The following ULK4 variants were observed in gnomAD, a reference collection of about 807,000 sequenced individuals.
ULK4 encodes inactive serine/threonine-protein kinase ULK4.
Under a neutral mutation model 160.6 loss-of-function variants are expected in ULK4, and 133 were observed. That is an observed-to-expected ratio of 0.83 (90% confidence interval 0.72 to 0.96). The LOEUF is 0.96. ULK4 is among the 40% of genes least tolerant of loss of function. ULK4 has a pLI of 0.00. For synonymous variants in ULK4, 534 were observed against 539.8 expected, an observed-to-expected ratio of 0.99 and a Z score of 0.15; for missense variants, 1,580 against 1,499.5, an observed-to-expected ratio of 1.05 and a Z score of -0.89.
Position 41,748,368 on chromosome 3 carries a change from CAAG to C in ULK4, c.2321+5990_2321+5992del, listed in dbSNP as rs1251336121. 4.0e-5 allele frequency among the ~76,000 whole-genome samples: 6 copies of C among 151,616 alleles called. No homozygotes were observed. The East Asian group carries it at 9.7e-4, about 24-fold the overall frequency. On this transcript the variant is annotated intron_variant, in intron 22 of 36. Coordinates refer to ENST00000301831, the MANE Select transcript of ULK4 (RefSeq NM_017886.4). ...ATGGCAATACATATATTAACACTGA[CAAG>C]AAGAACACCAAATGCAGTTTAAGGT...
chr3:41,337,755 G>GA, intron 35 of ULK4, among the ~76,000 whole-genome samples: 1 of 152,270 alleles, frequency 6.6e-6, no homozygotes, highest in East Asian at 1.9e-4. Context: ...ACCACAGACA[G>GA]AAAATCCAAA....
At chr3:41,709,578 G>C (rs181411680) in intron 25 of ULK4, among the ~76,000 whole-genome samples, 1 of 152,128 alleles carries the variant, frequency 6.6e-6, no homozygotes, top group Non-Finnish European at 1.5e-5. Flanking sequence ...GTAGAGATGG[G>C]GTTTCACCAT....
intron 30 of ULK4, among the ~76,000 whole-genome samples, chr3:41,621,740 C>G (rs1237514206): frequency 6.6e-6 from 1 of 152,136 alleles, no homozygotes; most frequent in Non-Finnish European, 1.5e-5. Flanking sequence ...AAAGCAATGG[C>G]AACAAAAGCC....
chr3:41,934,341 G>A (rs1422636178), intron 4 of ULK4, among the ~76,000 whole-genome samples: 2 of 152,034 alleles, frequency 1.3e-5, no homozygotes, highest in African/African-American at 2.4e-5. Flanking sequence ...TCTTTTTTAG[G>A]TTTAATTATA....
intron 22 of ULK4, among the ~76,000 whole-genome samples, chr3:41,727,484 T>C (rs1347674154): frequency 1.3e-5 from 2 of 152,192 alleles, no homozygotes; most frequent in African/African-American, 2.4e-5. Flanking sequence ...CTCGACAGGA[T>C]GTCATTGAAG....
At chr3:41,421,127 GAAAAGA>G (rs1484668640) in intron 34 of ULK4, among the ~76,000 whole-genome samples, 7 of 31,264 alleles carry the variant, frequency 2.2e-4, no homozygotes, top group Non-Finnish European at 3.7e-4. Flanking sequence ...AAAAAAAAAA[GAAAAGA>G]AAAGAAAAGA....
intron 1 of ULK4, among the ~76,000 whole-genome samples, chr3:41,961,300 T>A (rs1040797768): frequency 1.8e-4 from 28 of 152,070 alleles, no homozygotes; most frequent in African/African-American, 6.3e-4. Flanking sequence ...TGGGACTTAA[T>A]ACAAAAGAAA....
chr3:41,264,013 G>A (rs138168427), intron 35 of ULK4, among the ~76,000 whole-genome samples: 5 of 152,196 alleles, frequency 3.3e-5, no homozygotes, highest in African/African-American at 1.2e-4. Context: ...GAAAGTAAAG[G>A]AGGGGAGAGA....
At chr3:41,864,709 C>G (rs923249058) in intron 17 of ULK4, among the ~76,000 whole-genome samples, 7 of 152,002 alleles carry the variant, frequency 4.6e-5, no homozygotes, top group Admixed American at 2.0e-4. Context: ...AGTCCAGGAG[C>G]TCAAGAAGAT....
At chr3:41,955,904 A>G (rs1700467038) in intron 1 of ULK4, 2 of 152,338 alleles carry the variant, frequency 1.3e-5, no homozygotes, top group South Asian at 4.1e-4. Context: ...CTCCGTTACA[A>G]TGGAAACCTG....
At chr3:41,489,288 A>C (rs181375886) in intron 32 of ULK4, among the ~76,000 whole-genome samples, 103 of 152,320 alleles carry the variant, frequency 6.8e-4, no homozygotes, top group African/African-American at 2.4e-3. Context: ...TAGATCATCT[A>C]TTCTCTGCAC....
chr3:41,339,814 C>G (rs1322043922), intron 35 of ULK4, among the ~76,000 whole-genome samples: 4 of 152,194 alleles, frequency 2.6e-5, no homozygotes, highest in African/African-American at 9.6e-5. Context: ...TAATCATATT[C>G]ATAGCCCAAG....
intron 32 of ULK4, among the ~76,000 whole-genome samples, chr3:41,553,623 C>G (rs1575403729): frequency 6.6e-6 from 1 of 151,980 alleles, no homozygotes; most frequent in East Asian, 1.9e-4. Flanking sequence ...AAAGAGGGAA[C>G]TCTTATACAC....
chr3:41,537,192 A>ATT (rs58996371), intron 32 of ULK4, among the ~76,000 whole-genome samples: 287 of 149,196 alleles, frequency 1.9e-3, no homozygotes, highest in African/African-American at 5.6e-3. Flanking sequence ...ACCCCCAACC[A>ATT]TTTTTTTTTT....
At chr3:41,593,107 A>G (rs186739949) in intron 31 of ULK4, among the ~76,000 whole-genome samples, 2 of 152,234 alleles carry the variant, frequency 1.3e-5, no homozygotes, top group Admixed American at 1.3e-4. Flanking sequence ...CATTTCCAGT[A>G]TTATCATATT....
chr3:41,515,956 T>C lies in ULK4; in HGVS notation c.3226+50069A>G, dbSNP rs188360385. On this transcript the variant is annotated intron_variant, in intron 32 of 36. Transcript: ENST00000301831. ...AGGGACTTGAAGTAACTTTCTAGTG[T>C]ACTAGAAATTTTCTTTAAATCTATT... is the stretch of plus-strand genomic sequence containing the variant. 2.3e-4 allele frequency among the ~76,000 whole-genome samples: 35 copies of C among 152,372 alleles called. No homozygotes were observed. The East Asian group carries it at 5.6e-3, about 24-fold the overall frequency.
intron 34 of ULK4, among the ~76,000 whole-genome samples, chr3:41,433,171 G>T (rs919301009): frequency 3.3e-5 from 5 of 152,098 alleles, no homozygotes; most frequent in African/African-American, 1.2e-4. Flanking sequence ...AGAAAAACAT[G>T]AGCAAGGGTT....
chr3:41,830,155 G>A (rs1033744174), intron 18 of ULK4, among the ~76,000 whole-genome samples: 2 of 152,128 alleles, frequency 1.3e-5, no homozygotes, highest in Non-Finnish European at 2.9e-5. Context: ...GTGGGGTAGG[G>A]GGAGTGGGGA....
chr3:41,703,550 GAAGA>G (rs1559496145), intron 27 of ULK4, among the ~76,000 whole-genome samples: 2 of 151,252 alleles, frequency 1.3e-5, no homozygotes, highest in African/African-American at 2.4e-5. Flanking sequence ...AATTAGAAAA[GAAGA>G]AATATGAAAA....
Sources: allele counts gnomAD v4.1 joint callset (sites outside exome capture counted in the v4.1 genomes callset), GRCh38; gene constraint gnomAD v4.1.1; transcripts MANE v1.5; gene names NCBI Gene and HGNC (gene_info 2026-07-23, HGNC 2026-07-21).